TRIP11: variants seen among roughly 807,000 people sequenced by gnomAD.
TRIP11 encodes thyroid hormone receptor interactor 11.
TRIP11 carries 148 observed loss-of-function variants against 223.1 expected under a neutral mutation model. That is an observed-to-expected ratio of 0.66 (90% CI 0.58 to 0.76). The LOEUF is 0.76. Ranked by LOEUF, TRIP11 falls within the 30% of genes least tolerant of loss-of-function variation. The probability of loss-of-function intolerance (pLI) is 0.00; values close to 1 mark genes in which losing one functional copy is unlikely to be tolerated. For synonymous variants in TRIP11, 762 were observed against 772.6 expected (o/e 0.99, Z 0.23); for missense variants, 2,043 against 2,222.0 (o/e 0.92, Z 1.62).
chr14:92,035,150 C>CAAA (rs372782885), intron 1 of TRIP11, among the ~76,000 whole-genome samples: 5 of 134,306 alleles, frequency 3.7e-5, no homozygotes, highest in Non-Finnish European at 6.4e-5. Context: ...ACTAAAAATA[C>CAAA]AAAAAAAAAA....
intron 15 of TRIP11, 73 bp from the exon 16 acceptor site, chr14:91,988,456 T>TA: frequency 7.6e-7 from 1 of 1,316,958 alleles, no homozygotes; most frequent in Non-Finnish European, 1.1e-6. Flanking sequence ...AGAGACATCT[T>TA]AGAGTCAACC....
chr14:92,016,372 A>G (rs1199177785), intron 5 of TRIP11, among the ~76,000 whole-genome samples: 1 of 152,134 alleles, frequency 6.6e-6, no homozygotes. Flanking sequence ...TCGACTAGGG[A>G]AACTGGTTTG....
In TRIP11 at chr14:91,993,845, G is replaced by A. The variant is rs143872244; in HGVS notation, c.5124C>T (p.Asn1708=). 455 of 1,613,654 alleles carry A rather than the reference G, an allele frequency of 2.8e-4. 1 individual carries two copies. Among genetic ancestry groups the A allele is most frequent in the Non-Finnish European group, 2.8e-4 (334 of 1,179,894 alleles). Residue 1708 remains asparagine (N), a synonymous_variant, in exon 15 of 21, where the codon AAC becomes AAT. Coordinates refer to ENST00000267622, the MANE Select transcript of TRIP11 (RefSeq NM_004239.4). ...QKQLIAEWKK[N]AENLEGKVIS... ...TCACTTTTCCTTCCAGATTTTCTGC[G>A]TTTTTCTTCCATTCAGCTATAAGCT...
intron 6 of TRIP11, among the ~76,000 whole-genome samples, 183 bp downstream of exon 6, chr14:92,015,513 G>A (rs760619644): frequency 6.6e-6 from 1 of 151,834 alleles, no homozygotes; most frequent in Non-Finnish European, 1.5e-5. Context: ...ACAAAAATTA[G>A]CTGGGCATGG....
At chr14:91,976,329 A>C (rs1018320067) in intron 16 of TRIP11, 140 bp from the exon 17 acceptor site, 81 of 783,894 alleles carry the variant, frequency 1.0e-4, no homozygotes, top group East Asian at 1.3e-4. Context: ...AATAACTTCT[A>C]TCTCTTCTTT....
At position 92,033,467 on chromosome 14, in the gene TRIP11, C is replaced by T. The variant is rs55707701; in HGVS notation, c.140-214G>A. On this transcript the variant is annotated intron_variant, in intron 1 of 20. Transcript: ENST00000267622. The stretch of plus-strand genomic sequence containing the variant: ...AAAAGTCATTCTTTTTGCCTATGCC[C>T]TGTATCTTAGGATGTCTACCTTTAC... Among the ~76,000 whole-genome samples, 11,671 of 152,190 alleles carry T rather than the reference C, an allele frequency of 0.077. 584 individuals carry two copies. Among genetic ancestry groups the T allele is most frequent in the Admixed American group, 0.14 (2,177 of 15,284 alleles).
chr14:92,028,229 G>T (rs893310068), intron 2 of TRIP11, among the ~76,000 whole-genome samples: 23 of 152,100 alleles, frequency 1.5e-4, no homozygotes, highest in African/African-American at 5.3e-4. Context: ...CTACTTGGTT[G>T]TCTGCCCTCA....
chr14:92,018,322 T>C (rs931439915), intron 4 of TRIP11, among the ~76,000 whole-genome samples: 3 of 152,000 alleles, frequency 2.0e-5, no homozygotes, highest in Admixed American at 1.3e-4. Context: ...AGCTCCTGGC[T>C]GCAAGTAATC....
At chr14:92,020,233 C>A (rs1409421790) in intron 4 of TRIP11, among the ~76,000 whole-genome samples, 1 of 151,172 alleles carries the variant, frequency 6.6e-6, no homozygotes, top group Non-Finnish European at 1.5e-5. Flanking sequence ...GTTTGGGCAA[C>A]AGACTGAGAC....
chr14:92,006,794 G>A (rs1024595411), intron 10 of TRIP11, among the ~76,000 whole-genome samples: 1 of 151,918 alleles, frequency 6.6e-6, no homozygotes, highest in African/African-American at 2.4e-5. Context: ...TCAACCTCCC[G>A]AGTAGCTGGG....
At position 92,039,847 on chromosome 14, in the gene TRIP11, G is replaced by A; in HGVS notation, c.-162C>T. 2.1e-6 allele frequency: 3 copies of A among 1,452,458 alleles called. No individual in the cohort carries two copies. The highest frequency in any genetic ancestry group is 2.8e-6 in the Non-Finnish European group (3 of 1,072,086). 90.0% of individuals were successfully genotyped at this position (1,452,458 alleles called of 1,614,324 possible). A position where few individuals can be genotyped will look rare whatever the true frequency, so the allele number is the denominator to read the frequency against. Reference sequence around the variant, plus strand: ...CAAGGCCGACTCCAGGTTCTGCCTAGAAACGCAGAGGCCTGGCCTGGAATT... The same window carrying A: ...CAAGGCCGACTCCAGGTTCTGCCTAAAAACGCAGAGGCCTGGCCTGGAATT... On this transcript the variant is annotated 5_prime_UTR_variant, in exon 1 of 21. Coordinates refer to ENST00000267622, the MANE Select transcript of TRIP11 (RefSeq NM_004239.4).
chr14:91,995,153 T>C (rs2056733432), intron 14 of TRIP11, among the ~76,000 whole-genome samples, 199 bp downstream of exon 14: 1 of 152,200 alleles, frequency 6.6e-6, no homozygotes, highest in African/African-American at 2.4e-5. Context: ...TTTTAATAAT[T>C]ACTAAATAAA....
chr14:91,991,724 G>A (rs8020861), intron 15 of TRIP11, among the ~76,000 whole-genome samples: 97,741 of 151,946 alleles, frequency 0.64, 33,411 homozygotes, highest in African/African-American at 0.89. Context: ...ATAACAAATC[G>A]CCTATATACA....
At chr14:91,973,606 T>C (rs2056426581) in intron 19 of TRIP11, among the ~76,000 whole-genome samples, 1 of 152,198 alleles carries the variant, frequency 6.6e-6, no homozygotes, top group African/African-American at 2.4e-5. Flanking sequence ...CAAATAACAT[T>C]GTCAGATTAA....
At chr14:92,038,698 G>A (rs143722077) in intron 1 of TRIP11, among the ~76,000 whole-genome samples, 1 of 151,894 alleles carries the variant, frequency 6.6e-6, no homozygotes, top group African/African-American at 2.4e-5. Flanking sequence ...TGTCAAAGCA[G>A]CAGCTCTCAC....
At chr14:91,999,796 G>A (rs2056798150) in intron 12 of TRIP11, among the ~76,000 whole-genome samples, 172 bp downstream of exon 12, 2 of 152,142 alleles carry the variant, frequency 1.3e-5, no homozygotes, top group Admixed American at 6.5e-5. Flanking sequence ...CACTTTTGAA[G>A]ACTGAAATAA....
chr14:91,984,317 CTTTTTTT>C (rs138601782), intron 16 of TRIP11, among the ~76,000 whole-genome samples: 1 of 127,922 alleles, frequency 7.8e-6, no homozygotes, highest in Non-Finnish European at 1.6e-5. Context: ...TTTTTCTTTT[CTTTTTTT>C]TTTTTTTTTG....
chr14:92,039,230 C>T (rs1374966571), intron 1 of TRIP11, among the ~76,000 whole-genome samples: 1 of 152,186 alleles, frequency 6.6e-6, no homozygotes, highest in Non-Finnish European at 1.5e-5. Flanking sequence ...AGCCCCCAAA[C>T]TGAGGGCAAA....
rs1466907233 is a variant in TRIP11, at chr14:92,039,569, C to T, written c.117G>A (p.Met39Ile). The T allele has an allele frequency of 6.8e-6, 11 of 1,613,880 alleles. No homozygotes were observed. The highest frequency in any genetic ancestry group is 1.1e-5 in the South Asian group (1 of 91,016). Residue 39 changes from methionine to isoleucine, a missense_variant, in exon 1 of 21, where the codon ATG becomes ATA. By Grantham distance (10) the Met-to-Ile change is conservative. Coordinates refer to ENST00000267622, the MANE Select transcript of TRIP11 (RefSeq NM_004239.4). ...QISNFTKDML[M>I]EGTEEVEAEL... is the part of the protein sequence containing the mutation. ...TACCTTCCACTTCCTCCGTGCCCTC[C>T]ATCAGCATATCCTTTGTAAAGTTTG...
Sources: allele counts gnomAD v4.1 joint callset (sites outside exome capture counted in the v4.1 genomes callset), GRCh38; gene constraint gnomAD v4.1.1; transcripts MANE v1.5; gene names NCBI Gene and HGNC (gene_info 2026-07-23, HGNC 2026-07-21).